Variants in DLG2 observed in about 807,000 individuals in gnomAD.
DLG2 encodes the protein disks large homolog 2.
In DLG2, 45 loss-of-function variants were observed where a neutral mutation model predicts 132.5. The observed-to-expected ratio is 0.34, with a 90% confidence interval of 0.27 to 0.44. The LOEUF is 0.44. DLG2 is among the 20% of genes least tolerant of loss of function. The pLI is 1.00. For missense variants in DLG2, 1,045 were observed against 1,196.9 expected (o/e 0.87, Z 1.87); for synonymous variants, 424 against 419.6 (o/e 1.01, Z -0.13).
intron 7 of DLG2, among the ~76,000 whole-genome samples, chr11:84,526,109 T>C (rs1258913203): frequency 6.6e-6 from 1 of 152,326 alleles, no homozygotes; most frequent in Non-Finnish European, 1.5e-5. Flanking sequence ...TATAATTTTA[T>C]ATTAAAGAAA....
intron 17 of DLG2, among the ~76,000 whole-genome samples, chr11:83,823,471 A>G (rs567749167): frequency 2.0e-5 from 3 of 152,344 alleles, no homozygotes; most frequent in South Asian, 2.1e-4. Context: ...CTCTTAGTCA[A>G]TTAGGAAATG....
chr11:85,110,362 G>C (rs1276148810), intron 6 of DLG2, among the ~76,000 whole-genome samples: 1 of 151,956 alleles, frequency 6.6e-6, no homozygotes, highest in Non-Finnish European at 1.5e-5. Context: ...AGGCTGCAGT[G>C]AGCCAAGATC....
intron 4 of DLG2, among the ~76,000 whole-genome samples, chr11:85,207,448 T>C (rs1299490527): frequency 6.6e-6 from 1 of 152,160 alleles, no homozygotes; most frequent in African/African-American, 2.4e-5. Flanking sequence ...AACTACTCCT[T>C]CTATATTTTT....
chr11:85,289,337 TCA>T (rs2078751036), intron 3 of DLG2, among the ~76,000 whole-genome samples: 1 of 152,220 alleles, frequency 6.6e-6, no homozygotes, highest in South Asian at 2.1e-4. Context: ...CATCTGTTAC[TCA>T]CACTCTTCTC....
intron 3 of DLG2, among the ~76,000 whole-genome samples, chr11:85,557,748 G>A (rs2077014030): frequency 6.6e-6 from 1 of 151,826 alleles, no homozygotes; most frequent in Admixed American, 6.6e-5. Flanking sequence ...TAGCTGGCTA[G>A]CTATATGCAG....
intron 11 of DLG2, among the ~76,000 whole-genome samples, chr11:84,045,363 G>C (rs1016954151): frequency 6.6e-6 from 1 of 151,632 alleles, no homozygotes; most frequent in African/African-American, 2.4e-5. Context: ...TACTGAGATT[G>C]ATATCAATAG....
chr11:83,994,850 T>C (rs368458990), intron 11 of DLG2, among the ~76,000 whole-genome samples: 16 of 152,268 alleles, frequency 1.1e-4, no homozygotes, highest in African/African-American at 3.8e-4. Context: ...ATCTATTCCA[T>C]GCCCCTCTTC....
intron 6 of DLG2, among the ~76,000 whole-genome samples, chr11:84,829,282 A>C (rs1325511435): frequency 6.6e-6 from 1 of 151,668 alleles, no homozygotes; most frequent in Non-Finnish European, 1.5e-5. Context: ...CACTTCTGAC[A>C]AGAAGCTTTA....
At chr11:85,531,856 C>G (rs2075234181) in intron 3 of DLG2, among the ~76,000 whole-genome samples, 1 of 151,990 alleles carries the variant, frequency 6.6e-6, no homozygotes, top group East Asian at 1.9e-4. Flanking sequence ...TCCCAATAAC[C>G]CTGTGAGAAA....
rs538198011 is a variant in DLG2 at position 84,637,984 on chromosome 11, A to C, written c.358-103253T>G. On this transcript the variant is annotated intron_variant, in intron 6 of 27. Transcript: ENST00000376104. ...CTTCAGTGGCTTTCTTAACTATGTT[A>C]CTTTCTGTCTGGTTTCTCTACCTTA... is the stretch of plus-strand genomic sequence containing the variant. 1.6e-3 allele frequency among the ~76,000 whole-genome samples: 240 copies of C among 152,348 alleles called. 2 individuals are homozygous for C. Among genetic ancestry groups the C allele is most frequent in the African/African-American group, 5.4e-3 (224 of 41,584 alleles).
intron 6 of DLG2, among the ~76,000 whole-genome samples, chr11:84,600,126 G>GAGAA (rs1189788883): frequency 4.2e-5 from 5 of 119,872 alleles, no homozygotes; most frequent in Admixed American, 9.3e-5. Context: ...AGGAAAGAAA[G>GAGAA]AGAAAGAAAG....
chr11:83,897,322 A>G (rs1184885865), intron 15 of DLG2, among the ~76,000 whole-genome samples: 1 of 152,218 alleles, frequency 6.6e-6, no homozygotes, highest in Non-Finnish European at 1.5e-5. Flanking sequence ...GAAAGAAGCA[A>G]TGAGGAAACA....
At chr11:83,704,874 C>T (rs998855366) in intron 18 of DLG2, among the ~76,000 whole-genome samples, 3 of 151,946 alleles carry the variant, frequency 2.0e-5, no homozygotes, top group Non-Finnish European at 4.4e-5. Flanking sequence ...CTGAGTATAA[C>T]CTTAAAGTCA....
At chr11:85,563,644 T>C (rs537116916) in intron 3 of DLG2, among the ~76,000 whole-genome samples, 1 of 152,124 alleles carries the variant, frequency 6.6e-6, no homozygotes, top group South Asian at 2.1e-4. Flanking sequence ...TTGTATAGTT[T>C]AATGAATTTC....
chr11:84,896,458 C>T (rs1020165300), intron 6 of DLG2, among the ~76,000 whole-genome samples: 1 of 152,032 alleles, frequency 6.6e-6, no homozygotes. Context: ...TCTAACACAT[C>T]TTTGATAAGA....
At chr11:83,816,533 G>C (rs1320404252) in intron 17 of DLG2, among the ~76,000 whole-genome samples, 1 of 152,002 alleles carries the variant, frequency 6.6e-6, no homozygotes, top group Non-Finnish European at 1.5e-5. Flanking sequence ...ATATTCCCTG[G>C]TAGTGCTACA....
chr11:84,035,937 A>G (rs985005180), intron 11 of DLG2, among the ~76,000 whole-genome samples: 2 of 152,168 alleles, frequency 1.3e-5, no homozygotes, highest in Admixed American at 6.6e-5. Flanking sequence ...AAGCAACTGG[A>G]TATCATTTGA....
chr11:83,625,188 G>A (rs1240854616), intron 19 of DLG2, among the ~76,000 whole-genome samples: 1 of 152,132 alleles, frequency 6.6e-6, no homozygotes, highest in Non-Finnish European at 1.5e-5. Flanking sequence ...CATGTTCTCT[G>A]GGAAACAGCC....
At chr11:83,895,440 G>A (rs1197778104) in intron 15 of DLG2, among the ~76,000 whole-genome samples, 25 of 152,268 alleles carry the variant, frequency 1.6e-4, no homozygotes, top group African/African-American at 5.3e-4. Flanking sequence ...GATTACAGGC[G>A]TGAGCCACCG....
Sources: allele counts gnomAD v4.1 joint callset (sites outside exome capture counted in the v4.1 genomes callset), GRCh38; gene constraint gnomAD v4.1.1; transcripts MANE v1.5; gene names NCBI Gene and HGNC (gene_info 2026-07-23, HGNC 2026-07-21).